AVEN: variants seen among roughly 807,000 people sequenced by gnomAD.
The protein encoded by AVEN is apoptosis and caspase activation inhibitor, also known as cell death regulator Aven.
Under a neutral mutation model 38.1 loss-of-function variants are expected in AVEN, and 41 were observed. The ratio of observed to expected loss-of-function variants is 1.08; its 90% CI spans 0.84 to 1.40. The LOEUF is 1.40. Ranked by LOEUF, AVEN falls within the 40% of genes most tolerant of loss-of-function variation. The pLI is 0.00. For synonymous variants in AVEN, 206 were observed against 171.8 expected (o/e 1.20, Z -1.56); for missense variants, 605 against 438.8 (o/e 1.38, Z -3.38).
intron 2 of AVEN, among the ~76,000 whole-genome samples, chr15:33,915,161 T>G (rs544914523): frequency 6.6e-6 from 1 of 152,044 alleles, no homozygotes; most frequent in Admixed American, 6.6e-5. Context: ...AAATGGTAGA[T>G]AGGAGGCAGG....
At chr15:33,918,869 T>C (rs1893272300) in intron 2 of AVEN, among the ~76,000 whole-genome samples, 2 of 152,028 alleles carry the variant, frequency 1.3e-5, no homozygotes, top group African/African-American at 4.8e-5. Flanking sequence ...GAGAGGTTAA[T>C]GCTACTGCCA....
chr15:34,072,128 G>C (rs745384121), intron 1 of AVEN, among the ~76,000 whole-genome samples: 10 of 151,730 alleles, frequency 6.6e-5, no homozygotes, highest in African/African-American at 2.2e-4. Flanking sequence ...AATTAGCTAG[G>C]CATGGTGACA....
At chr15:33,929,448 G>A (rs562453291) in intron 2 of AVEN, among the ~76,000 whole-genome samples, 16 of 152,310 alleles carry the variant, frequency 1.1e-4, no homozygotes, top group Middle Eastern at 3.4e-3. Context: ...CCTCTGGGCC[G>A]AGGGAAAAAG....
chr15:33,860,587 C>T (rs752879880), intron 11 of AVEN: 13 of 1,563,354 alleles, frequency 8.3e-6, no homozygotes, highest in East Asian at 2.3e-5. Flanking sequence ...TTGTATTTAA[C>T]ATTCCAGGTC....
At chr15:33,874,814 G>A (rs1246284411) in intron 3 of AVEN, among the ~76,000 whole-genome samples, 5 of 152,180 alleles carry the variant, frequency 3.3e-5, no homozygotes, top group Admixed American at 2.6e-4. Context: ...AAACTCTGAA[G>A]CTACTTGAAA....
At chr15:34,007,044 T>A in intron 1 of AVEN, 1 of 983,754 alleles carries the variant, frequency 1.0e-6, no homozygotes, top group Non-Finnish European at 1.2e-6. Flanking sequence ...TAATAGTTCA[T>A]ACCTGGACAT....
At chr15:33,944,569 G>A (rs1894436993) in intron 2 of AVEN, among the ~76,000 whole-genome samples, 1 of 152,128 alleles carries the variant, frequency 6.6e-6, no homozygotes, top group Non-Finnish European at 1.5e-5. Context: ...CAGCACTTTG[G>A]GAGGCCGAGG....
chr15:34,039,757 TTCATTC>T (rs571171055), upstream of AVEN, among the ~76,000 whole-genome samples: 126 of 152,284 alleles, frequency 8.3e-4, 1 homozygote, highest in African/African-American at 2.9e-3. Flanking sequence ...ACATGAGTAT[TTCATTC>T]TCATAACAGC....
chr15:33,915,196 G>T (rs1893082705), intron 2 of AVEN, among the ~76,000 whole-genome samples: 1 of 152,184 alleles, frequency 6.6e-6, no homozygotes, highest in Non-Finnish European at 1.5e-5. Flanking sequence ...CCCACTCAGA[G>T]CAGCATGTGG....
At chr15:33,993,609 A>C (rs1039890346) in intron 2 of AVEN, among the ~76,000 whole-genome samples, 7 of 152,200 alleles carry the variant, frequency 4.6e-5, no homozygotes, top group African/African-American at 1.7e-4. Context: ...GAGATCTGTA[A>C]AATAAAAAAT....
intron 2 of AVEN, chr15:33,968,786 AC>A (rs1895499648): frequency 6.6e-6 from 1 of 152,136 alleles, no homozygotes; most frequent in African/African-American, 2.4e-5. Context: ...AACAAGCAGA[AC>A]TTTTCCAGGG....
chr15:33,978,950 G>A (rs1353764298), intron 2 of AVEN, among the ~76,000 whole-genome samples: 1 of 151,986 alleles, frequency 6.6e-6, no homozygotes, highest in East Asian at 1.9e-4. Context: ...AAGGAGTAGG[G>A]GTAGCAGAAC....
chr15:34,009,731 T>C lies in AVEN; in HGVS notation c.268-6522A>G, dbSNP rs539413337. On this transcript the variant is annotated intron_variant, in intron 1 of 5. Transcript: ENST00000306730. ...GGCCAGGCACAGTGGTTCATGCCTG[T>C]AATCCCAATGCTTTGGGAGGCCAAG... Among the ~76,000 whole-genome samples, 8 of 152,284 alleles carry C rather than the reference T, an allele frequency of 5.3e-5. No homozygotes were observed. In the South Asian group the frequency reaches 1.2e-3, roughly 24 times the overall value.
chr15:33,985,892 T>A (rs368825993), intron 2 of AVEN, among the ~76,000 whole-genome samples: 102 of 152,282 alleles, frequency 6.7e-4, no homozygotes, highest in African/African-American at 2.4e-3. Flanking sequence ...AGGATTCTTC[T>A]CTAATACTGA....
chr15:33,939,003 G>A (rs1020544031), intron 2 of AVEN, among the ~76,000 whole-genome samples: 2 of 152,080 alleles, frequency 1.3e-5, no homozygotes, highest in African/African-American at 2.4e-5. Flanking sequence ...CATTACGCCC[G>A]GCTAATTTTT....
downstream of AVEN, chr15:33,857,977 C>CACTGGGAAGAAGGGCTGTGT: frequency 6.2e-7 from 1 of 1,600,434 alleles, no homozygotes; most frequent in African/African-American, 1.3e-5. Flanking sequence ...CCCACCACCT[C>CACTGGGAAGAAGGGCTGTGT]ACTGGGAAGA....
chr15:33,975,585 TG>T, intron 2 of AVEN, among the ~76,000 whole-genome samples: 1 of 152,232 alleles, frequency 6.6e-6, no homozygotes, highest in Non-Finnish European at 1.5e-5. Context: ...AGTGAGAATT[TG>T]TCATAATAGA....
intron 2 of AVEN, among the ~76,000 whole-genome samples, chr15:34,000,519 G>A (rs1214554292): frequency 6.6e-6 from 1 of 152,126 alleles, no homozygotes; most frequent in Non-Finnish European, 1.5e-5. Context: ...GTTTATGATT[G>A]CACACCTAAG....
chr15:33,905,386 G>A (rs1892661332), intron 2 of AVEN, among the ~76,000 whole-genome samples: 1 of 152,194 alleles, frequency 6.6e-6, no homozygotes, highest in Non-Finnish European at 1.5e-5. Flanking sequence ...TCTGTAGGGT[G>A]AGAGATAATA....
Sources: gnomAD v4.1 joint callset for allele counts (sites outside exome capture counted in the v4.1 genomes callset) on GRCh38, gnomAD v4.1.1 for gene constraint, MANE v1.5 for transcripts, NCBI Gene and HGNC (gene_info 2026-07-23, HGNC 2026-07-21) for gene names.